ZNF320: variants seen among roughly 807,000 people sequenced by gnomAD.
ZNF320 encodes the protein zinc finger gene 320.
A neutral mutation model predicts 6.8 loss-of-function variants in ZNF320; 2 were observed. The ratio of observed to expected loss-of-function variants is 0.29; its 90% CI spans 0.12 to 0.93. The LOEUF is 0.93. Ranked by LOEUF, ZNF320 falls within the 40% of genes least tolerant of loss-of-function variation. ZNF320 has a pLI of 0.55. For synonymous variants in ZNF320, 208 were observed against 203.2 expected (o/e 1.02, Z -0.20); for missense variants, 472 against 611.0 (o/e 0.77, Z 2.40).
downstream of ZNF320, among the ~76,000 whole-genome samples, chr19:52,875,678 G>A (rs984530722): frequency 6.6e-6 from 1 of 151,972 alleles, no homozygotes; most frequent in African/African-American, 2.4e-5. Context: ...CCATTTGAGG[G>A]GCTGACTGTG....
At chr19:52,875,421 G>C (rs2063748810), downstream of ZNF320, among the ~76,000 whole-genome samples, 1 of 152,166 alleles carries the variant, frequency 6.6e-6, no homozygotes. Context: ...AGTGGGTGTG[G>C]ACAGAGACAA....
intron 5 of ZNF320, among the ~76,000 whole-genome samples, chr19:52,865,133 T>C (rs2063520028): frequency 1.3e-5 from 2 of 151,726 alleles, no homozygotes; most frequent in South Asian, 2.1e-4. Flanking sequence ...ACCAGCCTGG[T>C]CAAAGTGATG....
intron 1 of ZNF320, among the ~76,000 whole-genome samples, chr19:52,894,393 A>C (rs1032211784): frequency 7.1e-5 from 10 of 140,568 alleles, no homozygotes; most frequent in African/African-American, 5.2e-5. Flanking sequence ...AAAAAAAAAA[A>C]AAAACCAAAA....
intron 5 of ZNF320, among the ~76,000 whole-genome samples, chr19:52,864,780 G>A (rs560914287): frequency 6.6e-5 from 10 of 152,204 alleles, no homozygotes; most frequent in Non-Finnish European, 1.2e-4. Flanking sequence ...TTGGGAGGCC[G>A]AGGCAGGCAG....
downstream of ZNF320, chr19:52,876,113 C>T (rs574624423): frequency 2.6e-3 from 400 of 152,240 alleles, 1 homozygote; most frequent in African/African-American, 9.1e-3. Flanking sequence ...GAGGGGAAAG[C>T]TTATTTAGCA....
rs766146174 is a variant in ZNF320, at chr19:52,876,405, AAAG to A, written c.*4188_*4190del. On this transcript the variant is annotated 3_prime_UTR_variant, in exon 6 of 6. Transcript: ENST00000682928. ...AATATATCTAATGAAATGTGGGGTCAAAGAAGAACATTTTGAACACATACCGTA... is the reference window on the plus strand; with the variant it reads ...AATATATCTAATGAAATGTGGGGTCAAAGAACATTTTGAACACATACCGTA... 4.6e-5 allele frequency: 7 copies of A among 152,234 alleles called. No individual in the cohort carries two copies. The highest frequency in any genetic ancestry group is 9.6e-5 in the African/African-American group (4 of 41,488). 9.4% of individuals were successfully genotyped at this position (152,234 alleles called of 1,614,324 possible).
chr19:52,859,705 C>T (rs180939960), downstream of ZNF320, among the ~76,000 whole-genome samples: 35 of 152,246 alleles, frequency 2.3e-4, no homozygotes, highest in East Asian at 4.4e-3. Context: ...TGATACACTT[C>T]AAGGAAGGTT....
intron 5 of ZNF320, among the ~76,000 whole-genome samples, chr19:52,870,304 C>A (rs2063656665): frequency 6.6e-6 from 1 of 151,546 alleles, no homozygotes; most frequent in African/African-American, 2.4e-5. Context: ...CACGGTGAAA[C>A]CTCGTCTCTA....
At chr19:52,875,641 CG>C (rs1568702365), downstream of ZNF320, among the ~76,000 whole-genome samples, 1 of 151,682 alleles carries the variant, frequency 6.6e-6, no homozygotes, top group Admixed American at 6.6e-5. Flanking sequence ...ATTAGCCAGG[CG>C]TGGTGGTGTG....
Position 52,878,702 on chromosome 19 carries a change from C to T in ZNF320, c.*1894G>A, listed in dbSNP as rs77630552. Reference sequence around the variant, plus strand: ...CCCAAACTTTACCAGATTCATTTTTCGATACACTATCTGTCTCTGTCACCC... The same window carrying T: ...CCCAAACTTTACCAGATTCATTTTTTGATACACTATCTGTCTCTGTCACCC... On this transcript the variant is annotated 3_prime_UTR_variant, in exon 6 of 6. Transcript: ENST00000682928. 16 of 152,048 alleles carry T rather than the reference C, an allele frequency of 1.1e-4. No homozygotes were observed. Among genetic ancestry groups the T allele is most frequent in the East Asian group, 7.8e-4 (4 of 5,148 alleles). 9.4% of individuals were successfully genotyped at this position (152,048 alleles called of 1,614,324 possible). A position where few individuals can be genotyped will look rare whatever the true frequency, so the allele number is the denominator to read the frequency against.
chr19:52,870,919 G>GA (rs1347251010), intron 5 of ZNF320, among the ~76,000 whole-genome samples: 1 of 151,918 alleles, frequency 6.6e-6, no homozygotes, highest in Non-Finnish European at 1.5e-5. Context: ...AGGCTGAGGT[G>GA]AAAAAACACA....
At chr19:52,865,338 G>GATATATATATA in intron 5 of ZNF320, 1 of 312,914 alleles carries the variant, frequency 3.2e-6, no homozygotes, top group African/African-American at 2.3e-5. Context: ...TATATATATG[G>GATATATATATA]TCTGGAGGGA....
chr19:52,884,218 A>C (rs1432340284), intron 5 of ZNF320, among the ~76,000 whole-genome samples: 3 of 152,142 alleles, frequency 2.0e-5, no homozygotes, highest in Non-Finnish European at 1.5e-5. Context: ...CTGTGTCTTA[A>C]GCTTCCCAGT....
intron 4 of ZNF320, among the ~76,000 whole-genome samples, chr19:52,889,892 T>A (rs1056049094): frequency 7.2e-5 from 11 of 152,188 alleles, no homozygotes; most frequent in African/African-American, 2.7e-4. Flanking sequence ...CATTGGCAGC[T>A]GCTCTAATCC....
At chr19:52,869,290 C>T (rs973442752) in intron 5 of ZNF320, among the ~76,000 whole-genome samples, 18 of 152,184 alleles carry the variant, frequency 1.2e-4, no homozygotes, top group African/African-American at 3.4e-4. Flanking sequence ...AGCAGTTTTA[C>T]ATCTCTTAAA....
intron 4 of ZNF320, chr19:52,888,582 A>C (rs2064180088): frequency 4.9e-6 from 1 of 202,442 alleles, no homozygotes; most frequent in Non-Finnish European, 1.0e-5. Context: ...GTGAGCTGCG[A>C]TTGCACCAAG....
In ZNF320 at chr19:52,881,492, T is replaced by C. The variant is rs776909113; in HGVS notation, c.634A>G (p.Arg212Gly). 4.3e-6 allele frequency: 7 copies of C among 1,614,190 alleles called. No individual in the cohort carries two copies. The South Asian group carries it at 7.7e-5, about 18-fold the overall frequency. Residue 212 changes from arginine (R) to glycine (G), a missense_variant, in exon 6 of 6, where the codon AGG becomes GGG. Physicochemically the swap from Arg to Gly is moderately radical, Grantham distance 125. Coordinates refer to ENST00000682928, the MANE Select transcript of ZNF320 (RefSeq NM_001351774.2). ...SHLAKHTRIH[R>G]GDKHYTCNEC... ...TTACATGTGTAATGTTTGTCTCCCC[T>C]GTGAATTCTAGTATGTTTTGCCAGG...
chr19:52,890,177 A>G (rs1218939895), intron 4 of ZNF320, 64 bp downstream of exon 4: 6 of 1,593,496 alleles, frequency 3.8e-6, no homozygotes, highest in Non-Finnish European at 5.1e-6. Context: ...AAGATTCCCA[A>G]CTCCAGGCGC....
chr19:52,901,840 C>T (rs1183632897), upstream of ZNF320, among the ~76,000 whole-genome samples: 2 of 152,276 alleles, frequency 1.3e-5, no homozygotes, highest in East Asian at 3.9e-4. Context: ...TGGGAAACCT[C>T]GTCTAGTTGT....
Sources: gnomAD v4.1 joint callset for allele counts (sites outside exome capture counted in the v4.1 genomes callset) on GRCh38, gnomAD v4.1.1 for gene constraint, MANE v1.5 for transcripts, NCBI Gene and HGNC (gene_info 2026-07-23, HGNC 2026-07-21) for gene names.